FBXO16: variants seen among roughly 807,000 people sequenced by gnomAD.
The protein encoded by FBXO16 is F-box only protein 16.
Under a neutral mutation model 41.0 loss-of-function variants are expected in FBXO16, and 31 were observed. The observed-to-expected ratio is 0.76, with a 90% CI of 0.57 to 1.02. The LOEUF is 1.02. Ranked by LOEUF, FBXO16 falls within the 50% of genes least tolerant of loss-of-function variation. The probability of loss-of-function intolerance (pLI) is 0.00; values close to 1 mark genes in which losing one functional copy is unlikely to be tolerated. For missense variants in FBXO16, 361 were observed against 346.2 expected, an observed-to-expected ratio of 1.04 and a Z score of -0.34; for synonymous variants, 133 against 117.8, an observed-to-expected ratio of 1.13 and a Z score of -0.84.
At chr8:28,451,501 C>T (rs1415669030) in intron 6 of FBXO16, among the ~76,000 whole-genome samples, 3 of 150,612 alleles carry the variant, frequency 2.0e-5, no homozygotes, top group South Asian at 2.1e-4. Context: ...CCATGATTAC[C>T]GACACATGCC....
intron 5 of FBXO16, chr8:28,456,548 T>A: frequency 2.0e-6 from 1 of 501,418 alleles, no homozygotes; most frequent in Non-Finnish European, 3.5e-6. Context: ...ACCGCCGGGA[T>A]GCAACTGTGG....
intron 2 of FBXO16, among the ~76,000 whole-genome samples, chr8:28,480,742 T>C (rs1412890905): frequency 1.3e-5 from 2 of 152,042 alleles, no homozygotes; most frequent in Non-Finnish European, 2.9e-5. Flanking sequence ...TGACCTCAGG[T>C]GATCCACTCG....
intron 2 of FBXO16, among the ~76,000 whole-genome samples, chr8:28,481,052 C>T (rs922317880): frequency 1.0e-4 from 12 of 117,272 alleles, no homozygotes; most frequent in Admixed American, 4.3e-4. Context: ...AGGGTTCACT[C>T]GGGGGCCCCG....
intron 3 of FBXO16, among the ~76,000 whole-genome samples, chr8:28,472,271 T>C (rs1463328002): frequency 6.6e-6 from 1 of 152,138 alleles, no homozygotes; most frequent in African/African-American, 2.4e-5. Flanking sequence ...TTTTTAATTA[T>C]TATTTTTGTA....
At chr8:28,459,632 T>A (rs1279617639) in intron 4 of FBXO16, among the ~76,000 whole-genome samples, 30 of 131,390 alleles carry the variant, frequency 2.3e-4, no homozygotes, top group African/African-American at 8.4e-4. Context: ...AAAATAATAA[T>A]AATAATAATA....
chr8:28,432,679 C>T (rs1012036538), intron 7 of FBXO16, among the ~76,000 whole-genome samples: 3 of 152,202 alleles, frequency 2.0e-5, no homozygotes, highest in African/African-American at 7.2e-5. Flanking sequence ...TCCTCTGCTG[C>T]AGCTGTCTGC....
intron 5 of FBXO16, among the ~76,000 whole-genome samples, chr8:28,454,729 A>AAAAAAC (rs1803011274): frequency 1.1e-5 from 1 of 94,818 alleles, no homozygotes; most frequent in African/African-American, 4.6e-5. Context: ...CTCCGTCTTA[A>AAAAAAC]AAAAAAAAAA....
chr8:28,452,103 C>T, intron 6 of FBXO16, 141 bp downstream of exon 6: 1 of 736,160 alleles, frequency 1.4e-6, no homozygotes, highest in Non-Finnish European at 2.2e-6. Flanking sequence ...GGTCAGTATC[C>T]TGCTCTATTA....
At chr8:28,470,417 C>G (rs1803315716) in intron 3 of FBXO16, among the ~76,000 whole-genome samples, 1 of 152,170 alleles carries the variant, frequency 6.6e-6, no homozygotes, top group Non-Finnish European at 1.5e-5. Context: ...TATCTTGGCA[C>G]ATGCTTTTTC....
intron 2 of FBXO16, among the ~76,000 whole-genome samples, chr8:28,481,167 T>C (rs1018125301): frequency 4.6e-5 from 7 of 152,050 alleles, no homozygotes; most frequent in Non-Finnish European, 7.4e-5. Flanking sequence ...CCTGGGGGTG[T>C]TGGAATTTAC....
At chr8:28,475,378 GAGA>G (rs916460919) in intron 2 of FBXO16, among the ~76,000 whole-genome samples, 2 of 152,146 alleles carry the variant, frequency 1.3e-5, no homozygotes, top group African/African-American at 4.8e-5. Context: ...TTGCACATAA[GAGA>G]AGAAGAAAAA....
At chr8:28,434,809 G>A (rs1585889391) in intron 7 of FBXO16, among the ~76,000 whole-genome samples, 1 of 152,236 alleles carries the variant, frequency 6.6e-6, no homozygotes, top group Non-Finnish European at 1.5e-5. Context: ...GACCCAGTCG[G>A]CCGCTCTAAG....
At chr8:28,462,290 TTTTTC>T (rs1346734193) in intron 4 of FBXO16, among the ~76,000 whole-genome samples, 1 of 150,452 alleles carries the variant, frequency 6.6e-6, no homozygotes, top group Non-Finnish European at 1.5e-5. Context: ...TTTTTTTTTT[TTTTTC>T]TGAGACGGCG....
At chr8:28,466,927 A>ATTTTACTTATTTTTTATTTCATTCTGTTT (rs1451811077) in intron 3 of FBXO16, among the ~76,000 whole-genome samples, 3 of 151,826 alleles carry the variant, frequency 2.0e-5, no homozygotes, top group African/African-American at 7.3e-5. Context: ...ATTGGAATTC[A>ATTTTACTTATTTTTTATTTCATTCTGTTT]TTTTACTTAT....
At chr8:28,455,672 G>T (rs1474865885) in intron 5 of FBXO16, 1 of 152,202 alleles carries the variant, frequency 6.6e-6, no homozygotes, top group African/African-American at 2.4e-5. Flanking sequence ...TGCAAGAGAA[G>T]TCTCACTAGG....
intron 5 of FBXO16, among the ~76,000 whole-genome samples, chr8:28,454,436 T>C (rs950807222): frequency 6.6e-6 from 1 of 151,192 alleles, no homozygotes; most frequent in African/African-American, 2.4e-5. Flanking sequence ...ATGTAAAAAA[T>C]CATTAATTCT....
At chr8:28,431,362 A>C (rs1802603592) in intron 7 of FBXO16, among the ~76,000 whole-genome samples, 1 of 152,214 alleles carries the variant, frequency 6.6e-6, no homozygotes, top group Non-Finnish European at 1.5e-5. Flanking sequence ...GACCCTCTTC[A>C]TTTTGAGACT....
intron 3 of FBXO16, among the ~76,000 whole-genome samples, chr8:28,464,496 A>G (rs140670894): frequency 6.6e-6 from 1 of 151,598 alleles, no homozygotes; most frequent in Non-Finnish European, 1.5e-5. Flanking sequence ...ACCAAAAGAG[A>G]AAAAGGGAAC....
chr8:28,489,964 A>G (rs545297938), intron 1 of FBXO16, among the ~76,000 whole-genome samples: 3 of 152,252 alleles, frequency 2.0e-5, no homozygotes, highest in Non-Finnish European at 4.4e-5. Flanking sequence ...TAGTTTTTAA[A>G]AAGCAAGAAC....
Sources: gnomAD v4.1 joint callset for allele counts (sites outside exome capture counted in the v4.1 genomes callset) on GRCh38, gnomAD v4.1.1 for gene constraint, MANE v1.5 for transcripts, NCBI Gene and HGNC (gene_info 2026-07-23, HGNC 2026-07-21) for gene names.